GARIN3: variants seen among roughly 807,000 people sequenced by gnomAD.
GARIN3 encodes Golgi-associated RAB2 interactor protein 3.
chr5:157,164,912 C>G, the GARIN3 span, among the ~76,000 whole-genome samples: 1 of 151,890 alleles, frequency 6.6e-6, no homozygotes, highest in Non-Finnish European at 1.5e-5. Flanking sequence ...CCCAGCTACT[C>G]AGAGGCTGAG....
At chr5:157,162,535 GC>G in the GARIN3 span, 1 of 1,614,098 alleles carries the variant, frequency 6.2e-7, no homozygotes, top group Non-Finnish European at 8.5e-7. Context: ...GCCACCCTGG[GC>G]TTTCTCCACT....
the GARIN3 span, chr5:157,161,999 CCT>C: frequency 5.7e-6 from 1 of 176,280 alleles, no homozygotes; most frequent in Non-Finnish European, 1.2e-5. Context: ...CTGAATATCC[CCT>C]GAGGGGATGT....
chr5:157,165,694 C>T, the GARIN3 span: 2 of 1,614,148 alleles, frequency 1.2e-6, no homozygotes, highest in Non-Finnish European at 8.5e-7. Flanking sequence ...TCCCGTGTGT[C>T]AGAAGAGGGA....
the GARIN3 span, chr5:157,162,383 A>T: frequency 2.6e-6 from 4 of 1,540,928 alleles, no homozygotes; most frequent in Non-Finnish European, 3.5e-6. Flanking sequence ...CAGTAAAGAA[A>T]GCTGGGATGG....
At chr5:157,163,084 G>A in the GARIN3 span, 1 of 1,614,270 alleles carries the variant, frequency 6.2e-7, no homozygotes, top group East Asian at 2.2e-5. Flanking sequence ...GGGTCCCACT[G>A]CTGGTCCTTC....
the GARIN3 span, chr5:157,162,160 A>T: frequency 2.3e-6 from 1 of 432,660 alleles, no homozygotes; most frequent in Non-Finnish European, 4.1e-6. Flanking sequence ...GGGAAGCAAA[A>T]GGGATTGAGG....
the GARIN3 span, chr5:157,162,502 C>T: frequency 6.2e-7 from 1 of 1,614,126 alleles, no homozygotes; most frequent in Non-Finnish European, 8.5e-7. Context: ...TGTCATAGTG[C>T]CACTGATCAT....
At chr5:157,163,240 C>G in the GARIN3 span, 2 of 1,613,996 alleles carry the variant, frequency 1.2e-6, no homozygotes, top group Non-Finnish European at 1.7e-6. Flanking sequence ...CAAGGCCAAG[C>G]TAATACCCTC....
chr5:157,166,261 T>A, the GARIN3 span: 1 of 1,513,044 alleles, frequency 6.6e-7, no homozygotes, highest in East Asian at 2.3e-5. Flanking sequence ...CCTACAGGAC[T>A]TCTGCCTAAA....
At chr5:157,163,907 A>G in the GARIN3 span, among the ~76,000 whole-genome samples, 1 of 152,088 alleles carries the variant, frequency 6.6e-6, no homozygotes, top group Non-Finnish European at 1.5e-5. Context: ...AATACAAAAA[A>G]TTAGCTGGAC....
the GARIN3 span, chr5:157,163,763 A>C: frequency 6.9e-7 from 1 of 1,443,880 alleles, no homozygotes; most frequent in Non-Finnish European, 9.2e-7. Context: ...GCTTATAATT[A>C]GAAGAACCTG....
At chr5:157,162,511 A>T in the GARIN3 span, 1 of 1,614,096 alleles carries the variant, frequency 6.2e-7, no homozygotes, top group Non-Finnish European at 8.5e-7. Flanking sequence ...GCCACTGATC[A>T]TCTCCAGCTC....
chr5:157,165,695 A>C, the GARIN3 span: 1 of 1,614,206 alleles, frequency 6.2e-7, no homozygotes. Flanking sequence ...CCCGTGTGTC[A>C]GAAGAGGGAC....
the GARIN3 span, chr5:157,165,748 G>T: frequency 3.1e-6 from 5 of 1,614,138 alleles, no homozygotes; most frequent in Non-Finnish European, 4.2e-6. Context: ...AGTTTCAGGC[G>T]CAGCTGCTGT....
chr5:157,162,000 C>G, the GARIN3 span: 8 of 176,840 alleles, frequency 4.5e-5, no homozygotes, highest in African/African-American at 1.9e-4. Context: ...TGAATATCCC[C>G]TGAGGGGATG....
chr5:157,162,525 G>A, the GARIN3 span: 1 of 1,614,066 alleles, frequency 6.2e-7, no homozygotes, highest in Non-Finnish European at 8.5e-7. Flanking sequence ...CCAGCTCCTG[G>A]CCACCCTGGG....
At chr5:157,162,874 G>T in the GARIN3 span, 1 of 1,614,006 alleles carries the variant, frequency 6.2e-7, no homozygotes, top group African/African-American at 1.3e-5. Flanking sequence ...GTGGGAAGAC[G>T]CTTTCTGATT....
chr5:157,165,308 G>A, the GARIN3 span, among the ~76,000 whole-genome samples: 1 of 151,962 alleles, frequency 6.6e-6, no homozygotes, highest in South Asian at 2.1e-4. Context: ...GGTGTAGAAA[G>A]GATTTCAACC....
At chr5:157,163,120 G>C in the GARIN3 span, 1 of 1,614,206 alleles carries the variant, frequency 6.2e-7, no homozygotes, top group Non-Finnish European at 8.5e-7. Context: ...ACACTTGCTG[G>C]TCGTAATACT....
Sources: gnomAD v4.1 joint callset for allele counts (sites outside exome capture counted in the v4.1 genomes callset) on GRCh38, gnomAD v4.1.1 for gene constraint, MANE v1.5 for transcripts, NCBI Gene and HGNC (gene_info 2026-07-23, HGNC 2026-07-21) for gene names.